MORC1: variants seen among roughly 807,000 people sequenced by gnomAD.
MORC1 encodes the protein MORC family CW-type zinc finger 1.
MORC1 carries 59 observed loss-of-function variants against 134.9 expected under a neutral mutation model. The ratio of observed to expected loss-of-function variants is 0.44; its 90% CI spans 0.35 to 0.54. The LOEUF (loss-of-function observed/expected upper bound fraction) is 0.54, where lower values mean the gene tolerates loss of function less well. Among genes scored for constraint, MORC1 ranks in the 20% least tolerant of loss-of-function variants. MORC1 has a pLI of 0.00. For synonymous variants in MORC1, 395 were observed against 391.7 expected, an observed-to-expected ratio of 1.01 and a Z score of -0.10; for missense variants, 947 against 1,134.5, an observed-to-expected ratio of 0.83 and a Z score of 2.37.
At chr3:109,076,845 G>A (rs961867976) in intron 8 of MORC1, among the ~76,000 whole-genome samples, 1 of 152,046 alleles carries the variant, frequency 6.6e-6, no homozygotes, top group Non-Finnish European at 1.5e-5. Flanking sequence ...GGGACTAGGG[G>A]AGGGATAGCA....
intron 21 of MORC1, among the ~76,000 whole-genome samples, chr3:108,997,736 G>A (rs1033700462): frequency 2.0e-5 from 3 of 152,024 alleles, no homozygotes; most frequent in Non-Finnish European, 4.4e-5. Context: ...GGTTAAATAT[G>A]AATCTGGAAA....
At chr3:109,046,135 C>T (rs749561820) in intron 14 of MORC1, among the ~76,000 whole-genome samples, 3 of 152,160 alleles carry the variant, frequency 2.0e-5, no homozygotes, top group African/African-American at 7.2e-5. Flanking sequence ...TGAGGCATAA[C>T]GCCATCTTAG....
intron 17 of MORC1, among the ~76,000 whole-genome samples, chr3:109,017,610 A>T (rs1298802714): frequency 3.3e-5 from 5 of 152,332 alleles, no homozygotes; most frequent in Admixed American, 1.3e-4. Flanking sequence ...ACATTTTTTT[A>T]AAATCACATA....
intron 20 of MORC1, among the ~76,000 whole-genome samples, chr3:109,002,797 T>C (rs967895305): frequency 1.3e-5 from 2 of 152,176 alleles, no homozygotes; most frequent in Non-Finnish European, 2.9e-5. Context: ...TGGTTTCCCA[T>C]TACTTATAGG....
intron 17 of MORC1, among the ~76,000 whole-genome samples, chr3:109,013,645 T>C (rs1406537256): frequency 6.6e-6 from 1 of 152,222 alleles, no homozygotes; most frequent in Non-Finnish European, 1.5e-5. Flanking sequence ...TTCTCTTCTA[T>C]TCTTCCTGTG....
At chr3:109,043,192 G>GGGGGGT (rs1949599861) in intron 14 of MORC1, among the ~76,000 whole-genome samples, 1 of 126,296 alleles carries the variant, frequency 7.9e-6, no homozygotes, top group Non-Finnish European at 1.7e-5. Flanking sequence ...AAAATGTGGG[G>GGGGGGT]GGGGGGGGGT....
intron 2 of MORC1, among the ~76,000 whole-genome samples, chr3:109,111,296 T>C (rs1276048464): frequency 6.6e-6 from 1 of 152,168 alleles, no homozygotes; most frequent in Non-Finnish European, 1.5e-5. Context: ...TGTTTGTAAA[T>C]AAAGTGTTAT....
At chr3:109,073,261 C>G (rs1010431571) in intron 8 of MORC1, among the ~76,000 whole-genome samples, 17 of 152,298 alleles carry the variant, frequency 1.1e-4, no homozygotes, top group African/African-American at 4.1e-4. Context: ...TTGCAGTCAT[C>G]AAACTGTGTT....
At chr3:109,101,783 T>A (rs117936115) in intron 4 of MORC1, among the ~76,000 whole-genome samples, 2,080 of 152,356 alleles carry the variant, frequency 0.014, 90 homozygotes, top group Admixed American at 0.077. Flanking sequence ...ATGACCTGCA[T>A]GTCACAGATG....
At chr3:109,078,462 G>A (rs1330707680) in intron 8 of MORC1, among the ~76,000 whole-genome samples, 1 of 151,794 alleles carries the variant, frequency 6.6e-6, no homozygotes, top group Non-Finnish European at 1.5e-5. Flanking sequence ...TTGAATAAGA[G>A]GAAATCAAAA....
Position 109,100,464 on chromosome 3 carries a change from C to A in MORC1, c.267G>T (p.Arg89=), listed in dbSNP as rs747172427. ...GCCCTATGAACTTCAAGGTTGACAGCCGTTTTTTGGATCGTCCAAAGTAAA... is the reference window on the plus strand; with the variant it reads ...GCCCTATGAACTTCAAGGTTGACAGACGTTTTTTGGATCGTCCAAAGTAAA... ...DIIYFGRSKK[R]LSTLKFIGQY... is the part of the protein sequence containing the mutation. Residue 89 remains arginine (R), a synonymous_variant, in exon 5 of 28, where the codon CGG becomes CGT. Transcript: ENST00000232603. The A allele has an allele frequency of 1.2e-6, 2 of 1,613,772 alleles. No individual in the cohort carries two copies. The highest frequency in any genetic ancestry group is 1.1e-5 in the South Asian group (1 of 91,066).
intron 14 of MORC1, among the ~76,000 whole-genome samples, chr3:109,042,866 C>A (rs1365596455): frequency 6.6e-6 from 1 of 151,682 alleles, no homozygotes; most frequent in Non-Finnish European, 1.5e-5. Context: ...TATGTGAAAT[C>A]TTAAAAAGTC....
In MORC1 at chr3:109,007,771, T is replaced by C. The variant is rs192303126; in HGVS notation, c.1705-680A>G. Reference sequence around the variant, plus strand: ...TCTCTTCACATGTTTATGGAGGTAATATAGTCACATATGACAACACATGTT... The same window carrying C: ...TCTCTTCACATGTTTATGGAGGTAACATAGTCACATATGACAACACATGTT... On this transcript the variant is annotated intron_variant, in intron 17 of 27. Transcript: ENST00000232603. Among the ~76,000 whole-genome samples the C allele has an allele frequency of 2.2e-3, 340 of 152,318 alleles. 1 individual carries two copies. Among genetic ancestry groups the C allele is most frequent in the African/African-American group, 7.5e-3 (310 of 41,570 alleles).
At chr3:109,079,904 T>G (rs950763754) in intron 8 of MORC1, among the ~76,000 whole-genome samples, 4 of 152,098 alleles carry the variant, frequency 2.6e-5, no homozygotes, top group African/African-American at 7.2e-5. Flanking sequence ...AAAATATACC[T>G]AACAAGAAAT....
At chr3:109,020,306 C>G (rs1190811711) in intron 17 of MORC1, among the ~76,000 whole-genome samples, 1 of 152,182 alleles carries the variant, frequency 6.6e-6, no homozygotes, top group East Asian at 1.9e-4. Flanking sequence ...ATTCTAGACC[C>G]TTGTGAAGCA....
chr3:109,031,012 GAATT>G (rs899761545), intron 16 of MORC1, among the ~76,000 whole-genome samples: 3 of 152,154 alleles, frequency 2.0e-5, no homozygotes, highest in Non-Finnish European at 4.4e-5. Flanking sequence ...AAGAGAGACA[GAATT>G]AATACAGCTT....
At chr3:108,960,942 A>G (rs748223891) in intron 27 of MORC1, among the ~76,000 whole-genome samples, 1 of 152,234 alleles carries the variant, frequency 6.6e-6, no homozygotes, top group African/African-American at 2.4e-5. Context: ...CATTGCTTAC[A>G]TAAGTGTCTT....
At chr3:108,990,898 TTC>T (rs34333221) in intron 21 of MORC1, among the ~76,000 whole-genome samples, 40,564 of 144,870 alleles carry the variant, frequency 0.28, 5,681 homozygotes, top group Middle Eastern at 0.44. Flanking sequence ...GTTTCTCTCT[TTC>T]TCTCTCTCTC....
rs1053492122 is a variant in MORC1, at chr3:108,963,308, G to A, written c.2799+106C>T. 16 of 904,226 alleles carry A rather than the reference G, an allele frequency of 1.8e-5. No individual in the cohort carries two copies. In the Admixed American group the frequency reaches 2.5e-4, roughly 14 times the overall value. The allele number at this position is 904,226 out of a possible 1,614,324, so 56.0% of individuals were successfully genotyped here. ...ATGCAGAGAGTAAGGGCTGACTTAA[G>A]TGACTTGTCCAGGTCAGTAAGTGAA... On this transcript the variant is annotated intron_variant, in intron 27 of 27. Transcript: ENST00000232603.
Sources: allele counts gnomAD v4.1 joint callset (sites outside exome capture counted in the v4.1 genomes callset), GRCh38; gene constraint gnomAD v4.1.1; transcripts MANE v1.5; gene names NCBI Gene and HGNC (gene_info 2026-07-23, HGNC 2026-07-21).